Variants in SIPA1L3 observed in about 807,000 individuals in gnomAD.
The protein encoded by SIPA1L3 is signal-induced proliferation-associated 1-like protein 3.
Under a neutral mutation model 150.1 loss-of-function variants are expected in SIPA1L3, and 59 were observed. The observed-to-expected ratio is 0.39, with a 90% CI of 0.32 to 0.49. The LOEUF (loss-of-function observed/expected upper bound fraction) is 0.49, where lower values mean the gene tolerates loss of function less well. Among genes scored for constraint, SIPA1L3 ranks in the 20% least tolerant of loss-of-function variants. SIPA1L3 has a pLI of 0.86. For synonymous variants in SIPA1L3, 1,070 were observed against 1,077.6 expected (o/e 0.99, Z 0.14); for missense variants, 2,211 against 2,489.5 (o/e 0.89, Z 2.38).
chr19:38,085,798 C>T (rs972312057), intron 3 of SIPA1L3, among the ~76,000 whole-genome samples: 3 of 152,144 alleles, frequency 2.0e-5, no homozygotes, highest in Admixed American at 1.3e-4. Flanking sequence ...AGTTTAAGAC[C>T]AGCCTGGCCA....
At chr19:38,147,664 G>A (rs1292725543) in intron 12 of SIPA1L3, among the ~76,000 whole-genome samples, 1 of 152,132 alleles carries the variant, frequency 6.6e-6, no homozygotes, top group African/African-American at 2.4e-5. Context: ...TACTGCTTTT[G>A]TTCCTTAAGG....
intron 16 of SIPA1L3, among the ~76,000 whole-genome samples, chr19:38,191,589 G>A (rs1341545089): frequency 6.6e-6 from 1 of 152,032 alleles, no homozygotes; most frequent in African/African-American, 2.4e-5. Flanking sequence ...GAGGCGGGTG[G>A]ATCACCTGAG....
chr19:38,097,565 CT>C (rs953212992), intron 4 of SIPA1L3, among the ~76,000 whole-genome samples: 5 of 151,208 alleles, frequency 3.3e-5, no homozygotes, highest in Non-Finnish European at 5.9e-5. Flanking sequence ...GTGTTATGTA[CT>C]TTTTTTTTAG....
chr19:37,962,194 A>G (rs369125700), intron 1 of SIPA1L3, among the ~76,000 whole-genome samples: 2 of 144,394 alleles, frequency 1.4e-5, no homozygotes, highest in East Asian at 4.1e-4. Flanking sequence ...CCCAGGCTGG[A>G]GTGCAGTGGC....
At chr19:38,141,566 TTA>T in intron 11 of SIPA1L3, 131 bp downstream of exon 11, 1 of 988,736 alleles carries the variant, frequency 1.0e-6, no homozygotes, top group Non-Finnish European at 1.5e-6. Context: ...CTTCTTATCC[TTA>T]TGTCTCCCTT....
intron 15 of SIPA1L3, among the ~76,000 whole-genome samples, chr19:38,174,013 T>G (rs943121505): frequency 4.6e-5 from 7 of 150,616 alleles, no homozygotes; most frequent in African/African-American, 1.5e-4. Flanking sequence ...TTACCCAGAG[T>G]GAGGTGGAAC....
At chr19:38,090,820 G>T (rs981745696) in intron 4 of SIPA1L3, among the ~76,000 whole-genome samples, 1 of 152,138 alleles carries the variant, frequency 6.6e-6, no homozygotes, top group Non-Finnish European at 1.5e-5. Flanking sequence ...GAGTGCCCTC[G>T]CCCCATCCCC....
At chr19:37,955,045 C>T (rs1317389777) in intron 1 of SIPA1L3, among the ~76,000 whole-genome samples, 6 of 149,850 alleles carry the variant, frequency 4.0e-5, no homozygotes, top group African/African-American at 1.2e-4. Context: ...CGGGATCACA[C>T]CACTGCACTC....
intron 1 of SIPA1L3, among the ~76,000 whole-genome samples, chr19:37,999,178 C>G (rs904753006): frequency 1.3e-5 from 2 of 152,174 alleles, no homozygotes; most frequent in African/African-American, 2.4e-5. Flanking sequence ...GGTTCAGCAA[C>G]TGGACAGATA....
chr19:37,919,705 CTTT>C (rs10644508), intron 1 of SIPA1L3, among the ~76,000 whole-genome samples: 1 of 84,252 alleles, frequency 1.2e-5, no homozygotes, highest in African/African-American at 5.0e-5. Context: ...GGCCCTGAGG[CTTT>C]TTTTTTTTTT....
intron 1 of SIPA1L3, among the ~76,000 whole-genome samples, chr19:38,022,726 TAAAA>T (rs1279482647): frequency 1.3e-5 from 2 of 151,736 alleles, no homozygotes; most frequent in Admixed American, 6.6e-5. Context: ...AATAAATAAA[TAAAA>T]AAGAAAAAAC....
At chr19:38,153,159 C>A (rs1008523507) in intron 13 of SIPA1L3, among the ~76,000 whole-genome samples, 192 bp downstream of exon 13, 1 of 152,242 alleles carries the variant, frequency 6.6e-6, no homozygotes, top group African/African-American at 2.4e-5. Context: ...GATCCTTATC[C>A]GTCCAGACAG....
intron 15 of SIPA1L3, among the ~76,000 whole-genome samples, chr19:38,176,417 G>C (rs957137505): frequency 6.9e-6 from 1 of 145,284 alleles, no homozygotes; most frequent in African/African-American, 2.5e-5. Flanking sequence ...TGTTTTTTTT[G>C]AGTGATGGGG....
chr19:38,161,506 C>G (rs1568584183), intron 13 of SIPA1L3, among the ~76,000 whole-genome samples: 1 of 151,772 alleles, frequency 6.6e-6, no homozygotes, highest in Non-Finnish European at 1.5e-5. Context: ...AGGTGGATCA[C>G]GAGGTCAGGA....
intron 4 of SIPA1L3, among the ~76,000 whole-genome samples, chr19:38,091,480 T>C (rs1970256297): frequency 6.6e-6 from 1 of 152,222 alleles, no homozygotes; most frequent in Admixed American, 6.5e-5. Context: ...CAGGCAATAT[T>C]CTATACCTTT....
chr19:38,156,487 G>A (rs942369159), intron 13 of SIPA1L3, among the ~76,000 whole-genome samples: 1 of 149,714 alleles, frequency 6.7e-6, no homozygotes, highest in African/African-American at 2.5e-5. Context: ...AATTGCCGCC[G>A]CCATACACAC....
In SIPA1L3 at chr19:38,095,646, C is replaced by T. The variant is rs115907912; in HGVS notation, c.1666-4316C>T. On this transcript the variant is annotated intron_variant, in intron 4 of 21. Transcript: ENST00000222345. ...TAGAAAGAATGGACTGGGGACAGGG[C>T]AGGGGCAGGGAGACCTGGAGGAGGC... is the stretch of plus-strand genomic sequence containing the variant. Among the ~76,000 whole-genome samples, 1,214 of 152,226 alleles carry T rather than the reference C, an allele frequency of 8.0e-3. 16 individuals carry two copies. The highest frequency in any genetic ancestry group is 0.027 in the African/African-American group (1,140 of 41,548).
chr19:38,095,517 T>G (rs1402948851), intron 4 of SIPA1L3, among the ~76,000 whole-genome samples: 1 of 152,222 alleles, frequency 6.6e-6, no homozygotes, highest in Non-Finnish European at 1.5e-5. Context: ...TGCATGGTAC[T>G]GTGTGCCTTT....
Position 38,083,073 on chromosome 19 carries a change from A to G in SIPA1L3, c.1508A>G (p.Tyr503Cys). ...GAGCATGTGGACCTGGGCGCCCGCT[A>G]CTACCAGGATTACTTCGTGGGCAAA... ...SIEHVDLGAR[Y>C]YQDYFVGKEH... The change falls in exon 3 of 22, where the codon TAC becomes TGC. Residue 503 changes from tyrosine to cysteine, a missense_variant. Tyr to Cys is a radical substitution (Grantham distance 194). This residue lies in a region of SIPA1L3 where 625 missense variants were observed against 804.2 expected (regional missense o/e 0.78). Transcript: ENST00000222345. 2 of 1,611,574 alleles carry G rather than the reference A, an allele frequency of 1.2e-6. No individual in the cohort carries two copies. The highest frequency in any genetic ancestry group is 1.7e-6 in the Non-Finnish European group (2 of 1,179,764).
Sources: allele counts gnomAD v4.1 joint callset (sites outside exome capture counted in the v4.1 genomes callset), GRCh38; gene constraint gnomAD v4.1.1; regional missense constraint gnomAD v4.1.1; transcripts MANE v1.5; gene names NCBI Gene and HGNC (gene_info 2026-07-23, HGNC 2026-07-21).